LRP4: variants seen among roughly 807,000 people sequenced by gnomAD.
LRP4 encodes low-density lipoprotein receptor-related protein 4.
A neutral mutation model predicts 220.3 loss-of-function variants in LRP4; 95 were observed. The observed-to-expected ratio is 0.43, with a 90% confidence interval of 0.37 to 0.51. LRP4 has a LOEUF of 0.51. LRP4 is among the 20% of genes least tolerant of loss of function. The pLI is 0.00. For missense variants in LRP4, 1,925 were observed against 2,567.0 expected, an observed-to-expected ratio of 0.75 and a Z score of 5.40; for synonymous variants, 903 against 954.6, an observed-to-expected ratio of 0.95 and a Z score of 1.00.
Position 46,896,338 on chromosome 11 carries a change from A to G in LRP4, c.923-3T>C, listed in dbSNP as rs1394770625. 6.2e-7 allele frequency: 1 copy of G among 1,613,412 alleles called. No homozygotes were observed. The highest frequency in any genetic ancestry group is 2.2e-5 in the East Asian group (1 of 44,880). ...GTCCAAGGCACATTGGGGGCTTCCT[A>G]GAGAGATGGAGGGTCAGGTCATAGC... On this transcript the variant is annotated splice_region_variant and splice_polypyrimidine_tract_variant and intron_variant, in intron 8 of 37. Transcript: ENST00000378623.
chr11:46,900,313 C>T lies in LRP4; in HGVS notation c.265G>A (p.Val89Met). Reference protein sequence around the residue: ...DNGKCIRRSWVCDGDNDCEDD... With the variant: ...DNGKCIRRSWMCDGDNDCEDD... ...TCACAGTCGTTGTCCCCGTCACACA[C>T]CCAGGAGCGGCGGATGCACTTGCCA... Residue 89 changes from valine to methionine, a missense_variant, in exon 3 of 38, where the codon GTG becomes ATG. Around this residue, in one of 3 missense-constraint regions of LRP4, gnomAD observed 412 missense variants for 505.4 expected, o/e 0.82. Coordinates refer to ENST00000378623, the MANE Select transcript of LRP4 (RefSeq NM_002334.4). 1 of 1,614,140 alleles carries T rather than the reference C, an allele frequency of 6.2e-7. No homozygotes were observed. Among genetic ancestry groups the T allele is most frequent in the South Asian group, 1.1e-5 (1 of 91,080 alleles).
At chr11:46,896,478 C>A in intron 8 of LRP4, 143 bp from the exon 9 acceptor site, 1 of 995,930 alleles carries the variant, frequency 1.0e-6, no homozygotes. Flanking sequence ...GCAGCTCAGA[C>A]AGGGCTGGCT....
In LRP4 at chr11:46,858,921, C is replaced by T; in HGVS notation, c.*62G>A. 6.7e-7 allele frequency: 1 copy of T among 1,491,318 alleles called. No individual in the cohort carries two copies. The highest frequency in any genetic ancestry group is 1.1e-5 in the South Asian group (1 of 88,310). 92.4% of individuals were successfully genotyped at this position (1,491,318 alleles called of 1,614,324 possible). On this transcript the variant is annotated 3_prime_UTR_variant, in exon 38 of 38. Transcript: ENST00000378623. The stretch of plus-strand genomic sequence containing the variant: ...AAGCGGGGCCTGCGGTGTAAGCGAG[C>T]ACAAGGACTAGACGTCCATAAAGGA...
intron 18 of LRP4, among the ~76,000 whole-genome samples, chr11:46,884,462 C>T (rs552476659): frequency 1.3e-5 from 2 of 151,862 alleles, no homozygotes; most frequent in African/African-American, 2.4e-5. Context: ...ATTGGCCGGG[C>T]GCAGTGGCTC....
chr11:46,902,752 C>T (rs1295147877), intron 2 of LRP4, 31 bp downstream of exon 2: 6 of 1,613,160 alleles, frequency 3.7e-6, no homozygotes, highest in African/African-American at 2.7e-5. Context: ...CCCTCTCCAC[C>T]ACCTCCCACT....
At chr11:46,884,326 G>A (rs938199422) in intron 18 of LRP4, among the ~76,000 whole-genome samples, 22 of 152,226 alleles carry the variant, frequency 1.4e-4, no homozygotes, top group Non-Finnish European at 2.2e-4. Flanking sequence ...ATATTCAGCC[G>A]GGCGTGGTGG....
chr11:46,871,616 G>A lies in LRP4; in HGVS notation c.4601C>T (p.Ala1534Val), dbSNP rs755863702. 6.2e-6 allele frequency: 10 copies of A among 1,610,848 alleles called. No homozygotes were observed. Among genetic ancestry groups the A allele is most frequent in the African/African-American group, 2.7e-5 (2 of 74,844 alleles). The change falls in exon 31 of 38, where the codon GCG becomes GTG. Residue 1534 changes from alanine to valine, a missense_variant. Ala to Val is a moderately conservative substitution (Grantham distance 64). Around this residue, in one of 3 missense-constraint regions of LRP4, gnomAD observed 1,244 missense variants for 1,624.9 expected, o/e 0.77. Coordinates refer to ENST00000378623, the MANE Select transcript of LRP4 (RefSeq NM_002334.4). ...YDTRRIYWVDAHLDRIESADL... is the reference protein window; with the variant it reads ...YDTRRIYWVDVHLDRIESADL... ...AGCACTCTCGATCCGGTCCAGATGC[G>A]CATCCACCCAGTAGATCCTGCGAAG... is the stretch of plus-strand genomic sequence containing the variant.
chr11:46,882,779 C>G (rs1036570481), intron 19 of LRP4, among the ~76,000 whole-genome samples: 1 of 152,022 alleles, frequency 6.6e-6, no homozygotes, highest in East Asian at 1.9e-4. Flanking sequence ...TTGCTTGAGC[C>G]CAGGAGGTTG....
At chr11:46,859,502 G>A (rs986808311) in intron 37 of LRP4, among the ~76,000 whole-genome samples, 187 bp from the exon 38 acceptor site, 5 of 152,158 alleles carry the variant, frequency 3.3e-5, no homozygotes, top group Admixed American at 3.3e-4. Flanking sequence ...AGGCAGCTGT[G>A]ATAATTATTA....
intron 1 of LRP4, among the ~76,000 whole-genome samples, chr11:46,905,638 G>T (rs1255590870): frequency 6.6e-6 from 1 of 152,070 alleles, no homozygotes; most frequent in African/African-American, 2.4e-5. Context: ...ATCACCTGAG[G>T]TCAGGAGTTC....
chr11:46,898,916 C>T lies in LRP4; in HGVS notation c.664G>A (p.Glu222Lys). The change falls in exon 6 of 38, where the codon GAG (glutamate) becomes AAG (lysine). Residue 222 changes from glutamate to lysine, a missense_variant. By Grantham distance (56) the Glu-to-Lys change is moderately conservative. Around this residue, in one of 3 missense-constraint regions of LRP4, gnomAD observed 412 missense variants for 505.4 expected, o/e 0.82. Transcript: ENST00000378623. ...GDDDCGDWSDESDCSSHQPCR... is the reference protein window; with the variant it reads ...GDDDCGDWSDKSDCSSHQPCR... ...CCAGAGTACTCACAGCAGTCAGACTCGTCTGACCAGTCTCCACAGTCATCG... is the reference window on the plus strand; with the variant it reads ...CCAGAGTACTCACAGCAGTCAGACTTGTCTGACCAGTCTCCACAGTCATCG... 2 of 1,613,810 alleles carry T rather than the reference C, an allele frequency of 1.2e-6. No homozygotes were observed. Among genetic ancestry groups the T allele is most frequent in the Non-Finnish European group, 1.7e-6 (2 of 1,180,002 alleles).
intron 1 of LRP4, among the ~76,000 whole-genome samples, chr11:46,910,680 C>CTTTT (rs56889464): frequency 8.1e-6 from 1 of 123,814 alleles, no homozygotes. Flanking sequence ...TCCTTGCCCC[C>CTTTT]TTTTTTTTTT....
intron 1 of LRP4, among the ~76,000 whole-genome samples, chr11:46,906,712 T>C (rs1941765991): frequency 6.6e-6 from 1 of 152,184 alleles, no homozygotes; most frequent in Non-Finnish European, 1.5e-5. Flanking sequence ...GGAAGAACCT[T>C]AAGCTCCGTT....
intron 15 of LRP4, 126 bp from the exon 16 acceptor site, chr11:46,889,659 C>T: frequency 7.7e-7 from 1 of 1,303,706 alleles, no homozygotes; most frequent in Non-Finnish European, 1.1e-6. Context: ...ATATTTTTGA[C>T]ATCTGCCCCT....
Position 46,865,874 on chromosome 11 carries a change from GAT to G in LRP4, c.5088-690_5088-689del, listed in dbSNP as rs1340216857. ...AGAAAATCCGAGAGTAATAATGACT[GAT>G]AGTACTTAAAAGTTAGTGAGAAAGG... On this transcript the variant is annotated intron_variant, in intron 34 of 37. Transcript: ENST00000378623. Among the ~76,000 whole-genome samples the G allele has an allele frequency of 3.3e-5, 5 of 152,326 alleles. No homozygotes were observed. The South Asian group carries it at 1.0e-3, about 32-fold the overall frequency.
rs1201145181 is a variant in LRP4, at chr11:46,875,944, C to T, written c.3559G>A (p.Gly1187Arg). 3 of 1,614,170 alleles carry T rather than the reference C, an allele frequency of 1.9e-6. No homozygotes were observed. Among genetic ancestry groups the T allele is most frequent in the African/African-American group, 1.3e-5 (1 of 75,036 alleles). ...EMGFMYWTDW[G>R]ENAKLERSGM... is the part of the protein sequence containing the mutation. The stretch of plus-strand genomic sequence containing the variant: ...GACCGCTCTAACTTGGCATTCTCCC[C>T]CCAGTCTGTCCAGTACATAAACCTG... Residue 1187 changes from glycine (G) to arginine (R), a missense_variant, in exon 26 of 38, where the codon GGG (glycine) becomes AGG (arginine). Around this residue, in one of 3 missense-constraint regions of LRP4, gnomAD observed 1,244 missense variants for 1,624.9 expected, o/e 0.77. Transcript: ENST00000378623. The surrounding 1 kb of genome is among the most constrained non-coding windows in gnomAD (Gnocchi z 4.5).
At chr11:46,910,332 A>C (rs1344537068) in intron 1 of LRP4, among the ~76,000 whole-genome samples, 1 of 152,228 alleles carries the variant, frequency 6.6e-6, no homozygotes, top group African/African-American at 2.4e-5. Context: ...CTCATCAGGA[A>C]AATTGGGATA....
chr11:46,903,523 A>C (rs1162906350), intron 1 of LRP4, among the ~76,000 whole-genome samples: 1 of 150,950 alleles, frequency 6.6e-6, no homozygotes, highest in Non-Finnish European at 1.5e-5. Flanking sequence ...AACCCCCTCC[A>C]AAAAAAAATG....
At position 46,910,013 on chromosome 11, in the gene LRP4, C is replaced by T. The variant is rs1448002225; in HGVS notation, c.53-7084G>A. ...TTTCTGTCCCATGGTCCCTTTTATT[C>T]CCGATTCCTAGAGGCCAGCTTAACT... On this transcript the variant is annotated intron_variant, in intron 1 of 37. Transcript: ENST00000378623. 2.0e-5 allele frequency among the ~76,000 whole-genome samples: 3 copies of T among 152,142 alleles called. No individual in the cohort carries two copies. The East Asian group carries it at 5.8e-4, about 29-fold the overall frequency.
Sources: allele counts gnomAD v4.1 joint callset (sites outside exome capture counted in the v4.1 genomes callset), GRCh38; gene constraint gnomAD v4.1.1; regional missense constraint gnomAD v4.1.1; non-coding constraint Gnocchi (gnomAD v3.1); transcripts MANE v1.5; gene names NCBI Gene and HGNC (gene_info 2026-07-23, HGNC 2026-07-21).